SGCD: variants seen among roughly 807,000 people sequenced by gnomAD.
SGCD encodes sarcoglycan delta, also known as delta-sarcoglycan.
A neutral mutation model predicts 36.6 loss-of-function variants in SGCD; 18 were observed. That is an observed-to-expected ratio of 0.49 (90% CI 0.34 to 0.73). SGCD has a LOEUF of 0.73. Among genes scored for constraint, SGCD ranks in the 30% least tolerant of loss-of-function variants. The pLI, the probability that SGCD is intolerant of heterozygous loss-of-function variation, is 0.01. For synonymous variants in SGCD, 133 were observed against 130.6 expected, an observed-to-expected ratio of 1.02 and a Z score of -0.12; for missense variants, 387 against 346.7, an observed-to-expected ratio of 1.12 and a Z score of -0.92.
At chr5:156,584,115 A>G (rs1300585156) in intron 4 of SGCD, among the ~76,000 whole-genome samples, 2 of 152,232 alleles carry the variant, frequency 1.3e-5, no homozygotes, top group Non-Finnish European at 2.9e-5. Context: ...AGCATGGGCA[A>G]TATTAAATTT....
intron 3 of SGCD, among the ~76,000 whole-genome samples, chr5:156,364,931 C>T (rs982065851): frequency 1.3e-5 from 2 of 152,134 alleles, no homozygotes; most frequent in Admixed American, 6.5e-5. Flanking sequence ...TACTACCTGT[C>T]GCCTCTGGGC....
intron 7 of SGCD, among the ~76,000 whole-genome samples, chr5:156,755,334 A>C (rs868527086): frequency 1.3e-5 from 2 of 152,332 alleles, no homozygotes; most frequent in Middle Eastern, 3.4e-3. Context: ...GTAAAAGCAC[A>C]AACTCATCCT....
rs192886716 is a variant in SGCD, at chr5:156,601,532, T to C, written c.502+6481T>C. ...GCCAAGTACCATGTTGTTTTGGTTA[T>C]TATAGCTTTGTAGTATGTTTAGAAG... On this transcript the variant is annotated intron_variant, in intron 6 of 8. Coordinates refer to ENST00000337851, the MANE Select transcript of SGCD (RefSeq NM_000337.6). Among the ~76,000 whole-genome samples, 348 of 152,354 alleles carry C rather than the reference T, an allele frequency of 2.3e-3. 3 individuals carry two copies. Among genetic ancestry groups the C allele is most frequent in the Admixed American group, 6.2e-3 (95 of 15,304 alleles).
At chr5:156,398,970 G>C (rs1772003688) in intron 3 of SGCD, among the ~76,000 whole-genome samples, 1 of 152,162 alleles carries the variant, frequency 6.6e-6, no homozygotes, top group South Asian at 2.1e-4. Flanking sequence ...CAACTAAGTG[G>C]CTACCATATT....
intron 2 of SGCD, among the ~76,000 whole-genome samples, chr5:156,338,655 A>G (rs1768484227): frequency 6.6e-6 from 1 of 152,180 alleles, no homozygotes; most frequent in Non-Finnish European, 1.5e-5. Context: ...AGGTCCAGGT[A>G]TCATGTAGGT....
At chr5:156,469,353 C>A (rs114171315) in intron 3 of SGCD, among the ~76,000 whole-genome samples, 2,192 of 152,232 alleles carry the variant, frequency 0.014, 22 homozygotes, top group South Asian at 0.022. Flanking sequence ...TCTGCCATAG[C>A]CTGTATTATG....
intron 2 of SGCD, among the ~76,000 whole-genome samples, chr5:156,333,840 T>C (rs1768196251): frequency 8.1e-6 from 1 of 123,686 alleles, no homozygotes; most frequent in African/African-American, 2.9e-5. Context: ...CTCTAAGTAT[T>C]GCTCAAAATC....
At chr5:156,120,186 GT>G in intron 2 of SGCD, among the ~76,000 whole-genome samples, 1 of 152,246 alleles carries the variant, frequency 6.6e-6, no homozygotes, top group East Asian at 1.9e-4. Context: ...TTAATGGGTA[GT>G]GGAATTTGGT....
At chr5:156,630,055 G>T (rs1041339019) in intron 6 of SGCD, among the ~76,000 whole-genome samples, 3 of 151,696 alleles carry the variant, frequency 2.0e-5, no homozygotes, top group Non-Finnish European at 4.4e-5. Context: ...TAGAGATGGG[G>T]TTTCACCATG....
intron 3 of SGCD, among the ~76,000 whole-genome samples, chr5:156,167,515 G>A (rs1763241241): frequency 1.3e-5 from 2 of 152,050 alleles, no homozygotes; most frequent in Admixed American, 6.5e-5. Flanking sequence ...TGTGATCTCC[G>A]ATGTGGGAAG....
intron 1 of SGCD, among the ~76,000 whole-genome samples, chr5:155,995,188 A>G (rs920209994): frequency 1.3e-5 from 2 of 152,208 alleles, no homozygotes; most frequent in Admixed American, 6.5e-5. Flanking sequence ...TTCATAAAAA[A>G]GGACTTAAAA....
At chr5:156,307,555 GTTTTTTTTTT>G (rs59481792) in intron 3 of SGCD, among the ~76,000 whole-genome samples, 11 of 41,146 alleles carry the variant, frequency 2.7e-4, no homozygotes, top group Non-Finnish European at 4.4e-4. Flanking sequence ...TTTAACTGTT[GTTTTTTTTTT>G]TTTTTTTTTT....
intron 3 of SGCD, among the ~76,000 whole-genome samples, chr5:156,171,443 A>G (rs78773609): frequency 0.015 from 2,220 of 152,324 alleles, 25 homozygotes; most frequent in Non-Finnish European, 0.024. Flanking sequence ...GATTAAGATC[A>G]GGGGTAATTT....
intron 3 of SGCD, among the ~76,000 whole-genome samples, chr5:156,234,201 C>A (rs1430174985): frequency 2.6e-5 from 4 of 152,108 alleles, no homozygotes; most frequent in Admixed American, 2.6e-4. Context: ...TGTTTATTTA[C>A]ATTTTTAGCC....
intron 1 of SGCD, among the ~76,000 whole-genome samples, chr5:156,048,808 C>T (rs1019164135): frequency 1.6e-3 from 240 of 151,890 alleles, no homozygotes; most frequent in Middle Eastern, 3.4e-3. Context: ...TCTTTTGCTG[C>T]GCAGAAGCTC....
chr5:156,546,825 A>G (rs1758594243), intron 4 of SGCD, among the ~76,000 whole-genome samples: 1 of 152,190 alleles, frequency 6.6e-6, no homozygotes, highest in Admixed American at 6.5e-5. Flanking sequence ...TATTTAAGCA[A>G]AGAAATAGCA....
At chr5:156,608,999 A>G (rs1429697443) in intron 6 of SGCD, among the ~76,000 whole-genome samples, 1 of 152,026 alleles carries the variant, frequency 6.6e-6, no homozygotes, top group Admixed American at 6.6e-5. Flanking sequence ...TCTTTATCCA[A>G]TTTGCCAGTC....
intron 6 of SGCD, among the ~76,000 whole-genome samples, chr5:156,633,296 A>T (rs1332840786): frequency 6.6e-6 from 1 of 152,178 alleles, no homozygotes; most frequent in African/African-American, 2.4e-5. Context: ...AGGTGTAGAC[A>T]GGTAGCAACT....
At chr5:156,726,817 T>C (rs898814668) in intron 7 of SGCD, among the ~76,000 whole-genome samples, 2 of 152,170 alleles carry the variant, frequency 1.3e-5, no homozygotes, top group Non-Finnish European at 2.9e-5. Flanking sequence ...TCAGTGCTGA[T>C]GTTAGGGCCA....
Sources: allele counts gnomAD v4.1 joint callset (sites outside exome capture counted in the v4.1 genomes callset), GRCh38; gene constraint gnomAD v4.1.1; transcripts MANE v1.5; gene names NCBI Gene and HGNC (gene_info 2026-07-23, HGNC 2026-07-21).